The following PTPRG variants were observed in gnomAD, a reference collection of about 807,000 sequenced individuals.
PTPRG encodes the protein receptor-type tyrosine-protein phosphatase gamma.
A neutral mutation model predicts 165.3 loss-of-function variants in PTPRG; 102 were observed. That is an observed-to-expected ratio of 0.62 (90% CI 0.53 to 0.73). The LOEUF (loss-of-function observed/expected upper bound fraction) is 0.73. PTPRG is among the 30% of genes least tolerant of loss of function. PTPRG has a pLI of 0.00. For synonymous variants in PTPRG, 675 were observed against 669.5 expected, an observed-to-expected ratio of 1.01 and a Z score of -0.13; for missense variants, 1,866 against 1,861.4, an observed-to-expected ratio of 1.00 and a Z score of -0.05.
At chr3:61,563,005 C>T (rs1236034928) in intron 1 of PTPRG, among the ~76,000 whole-genome samples, 1 of 152,074 alleles carries the variant, frequency 6.6e-6, no homozygotes, top group Admixed American at 6.5e-5. Context: ...GAGGCAGCCT[C>T]CTTGGGCGCA....
intron 5 of PTPRG, among the ~76,000 whole-genome samples, chr3:62,130,462 A>G (rs533560586): frequency 1.3e-5 from 2 of 152,314 alleles, no homozygotes; most frequent in South Asian, 2.1e-4. Context: ...TTGTAAAGGC[A>G]CATGTAACAG....
intron 4 of PTPRG, among the ~76,000 whole-genome samples, chr3:62,070,387 G>T (rs1220135732): frequency 6.6e-6 from 1 of 152,104 alleles, no homozygotes; most frequent in Middle Eastern, 3.2e-3. Context: ...CCAAGAGATG[G>T]CATGGATTTT....
intron 1 of PTPRG, among the ~76,000 whole-genome samples, chr3:61,592,043 G>T (rs916236350): frequency 6.6e-6 from 1 of 151,110 alleles, no homozygotes; most frequent in African/African-American, 2.4e-5. Flanking sequence ...CATGATCTCC[G>T]TATCACCGCA....
intron 1 of PTPRG, among the ~76,000 whole-genome samples, chr3:61,648,683 A>C (rs954700319): frequency 2.6e-5 from 4 of 152,178 alleles, no homozygotes; most frequent in Non-Finnish European, 5.9e-5. Flanking sequence ...TGCCATCTGT[A>C]ATACAGTCAG....
intron 2 of PTPRG, among the ~76,000 whole-genome samples, chr3:61,931,841 A>G (rs2039369265): frequency 6.6e-6 from 1 of 152,298 alleles, no homozygotes; most frequent in South Asian, 2.1e-4. Flanking sequence ...GGATGTTATG[A>G]CAAACTCTCA....
At chr3:62,001,369 C>T (rs1424785256) in intron 3 of PTPRG, among the ~76,000 whole-genome samples, 1 of 152,072 alleles carries the variant, frequency 6.6e-6, no homozygotes, top group Non-Finnish European at 1.5e-5. Flanking sequence ...TAGGTAAAAT[C>T]AAATATTTAT....
rs527457275 is a variant in PTPRG at position 62,280,729 on chromosome 3, A to T, written c.3766-834A>T. 2.0e-4 allele frequency among the ~76,000 whole-genome samples: 31 copies of T among 152,200 alleles called. 1 individual carries two copies. The South Asian group carries it at 2.1e-3, about 10-fold the overall frequency. Reference sequence around the variant, plus strand: ...TGTGGGCATATACCCAAAGGAAGTGAAATCAACACCTCGTAAAGATATTTG... The same window carrying T: ...TGTGGGCATATACCCAAAGGAAGTGTAATCAACACCTCGTAAAGATATTTG... On this transcript the variant is annotated intron_variant, in intron 26 of 29. Coordinates refer to ENST00000474889, the MANE Select transcript of PTPRG (RefSeq NM_002841.4).
chr3:62,249,148 G>C (rs1701354691), intron 15 of PTPRG, among the ~76,000 whole-genome samples: 1 of 152,132 alleles, frequency 6.6e-6, no homozygotes, highest in Non-Finnish European at 1.5e-5. Flanking sequence ...TCCTAAGAGT[G>C]GGATTTAGAC....
At chr3:62,153,501 C>G (rs2106686796) in intron 6 of PTPRG, among the ~76,000 whole-genome samples, 1 of 152,220 alleles carries the variant, frequency 6.6e-6, no homozygotes, top group Non-Finnish European at 1.5e-5. Context: ...ACTGCTCATG[C>G]TGATGGACAA....
intron 6 of PTPRG, among the ~76,000 whole-genome samples, chr3:62,133,754 G>A (rs1262175091): frequency 1.3e-5 from 2 of 152,174 alleles, no homozygotes; most frequent in Non-Finnish European, 2.9e-5. Flanking sequence ...GGAGGCCGAA[G>A]TGGGTGGATC....
chr3:61,801,265 G>C (rs2035232511), intron 2 of PTPRG, among the ~76,000 whole-genome samples: 1 of 151,264 alleles, frequency 6.6e-6, no homozygotes, highest in Non-Finnish European at 1.5e-5. Context: ...TCCAGGTACA[G>C]ACCACTGGGG....
chr3:61,994,690 C>G (rs188572029), intron 3 of PTPRG, among the ~76,000 whole-genome samples: 1 of 152,156 alleles, frequency 6.6e-6, no homozygotes, highest in South Asian at 2.1e-4. Flanking sequence ...TAAGAGCACA[C>G]AGAGGCAAGC....
intron 1 of PTPRG, among the ~76,000 whole-genome samples, chr3:61,639,654 A>T (rs925082203): frequency 6.6e-6 from 1 of 151,768 alleles, no homozygotes; most frequent in Non-Finnish European, 1.5e-5. Context: ...TAGGTATTTT[A>T]TTCTTTTTTG....
At chr3:62,034,937 C>T (rs1699894935) in intron 4 of PTPRG, among the ~76,000 whole-genome samples, 1 of 152,150 alleles carries the variant, frequency 6.6e-6, no homozygotes, top group Non-Finnish European at 1.5e-5. Context: ...CTGTCCGTGG[C>T]TCCTTCTTGG....
At chr3:61,575,692 G>T (rs1026788387) in intron 1 of PTPRG, among the ~76,000 whole-genome samples, 4 of 145,800 alleles carry the variant, frequency 2.7e-5, no homozygotes, top group African/African-American at 7.8e-5. Flanking sequence ...TCTGCCTCCC[G>T]GGTTCAAGCA....
rs538463283 is a variant in PTPRG at position 62,255,191 on chromosome 3, G to T, written c.2535G>T (p.Gln845His). ...KHIGELYSNN[Q>H]HGFSEDFEEV... ...TCGGTGAGCTCTATTCTAATAACCA[G>T]CATGGGTTCTCTGAGGATTTTGAGG... Residue 845 changes from glutamine to histidine, a missense_variant, in exon 16 of 30, where the codon CAG becomes CAT. Around this residue, in one of 3 missense-constraint regions of PTPRG, gnomAD observed 1,452 missense variants for 1,463.0 expected, o/e 0.99. Coordinates refer to ENST00000474889, the MANE Select transcript of PTPRG (RefSeq NM_002841.4). This position sits in a 1 kb window ranked among gnomAD's most constrained non-coding sequence, Gnocchi z 4.0. 35 of 1,612,640 alleles carry T rather than the reference G, an allele frequency of 2.2e-5. No individual in the cohort carries two copies. The East Asian group carries it at 6.0e-4, about 28-fold the overall frequency.
intron 4 of PTPRG, among the ~76,000 whole-genome samples, chr3:62,070,870 C>T (rs537166570): frequency 9.9e-5 from 15 of 151,726 alleles, no homozygotes; most frequent in Non-Finnish European, 1.8e-4. Context: ...TAGAAAAATA[C>T]GTTTCCCAGG....
At chr3:62,034,131 C>A (rs144789105) in intron 4 of PTPRG, among the ~76,000 whole-genome samples, 1 of 152,140 alleles carries the variant, frequency 6.6e-6, no homozygotes, top group Non-Finnish European at 1.5e-5. Context: ...CTGCAACCCC[C>A]GCATATACCA....
intron 2 of PTPRG, among the ~76,000 whole-genome samples, chr3:61,936,452 T>TG (rs1559699193): frequency 1.3e-5 from 2 of 152,190 alleles, no homozygotes; most frequent in South Asian, 4.1e-4. Flanking sequence ...TTTGACCAGG[T>TG]GGGACCATGG....
Sources: gnomAD v4.1 joint callset for allele counts (sites outside exome capture counted in the v4.1 genomes callset) on GRCh38, gnomAD v4.1.1 for gene constraint, gnomAD v4.1.1 regional missense constraint, Gnocchi (gnomAD v3.1) non-coding constraint, MANE v1.5 for transcripts, NCBI Gene and HGNC (gene_info 2026-07-23, HGNC 2026-07-21) for gene names.